RBFOX1: variants seen among roughly 807,000 people sequenced by gnomAD.
RBFOX1 encodes the protein RNA binding protein fox-1 homolog 1.
RBFOX1 carries 8 observed loss-of-function variants against 57.7 expected under a neutral mutation model. The ratio of observed to expected loss-of-function variants is 0.14; its 90% CI spans 0.08 to 0.25. The LOEUF is 0.25. RBFOX1 is among the 10% of genes least tolerant of loss of function. The pLI, the probability that RBFOX1 is intolerant of heterozygous loss-of-function variation, is 1.00. For synonymous variants in RBFOX1, 326 were observed against 222.4 expected, an observed-to-expected ratio of 1.47 and a Z score of -4.15; for missense variants, 611 against 548.5, an observed-to-expected ratio of 1.11 and a Z score of -1.14.
chr16:6,490,431 C>T (rs1157748900), intron 2 of RBFOX1, among the ~76,000 whole-genome samples: 1 of 152,172 alleles, frequency 6.6e-6, no homozygotes, highest in Non-Finnish European at 1.5e-5. Flanking sequence ...TGTCTCACAT[C>T]TCGAATACAA....
At chr16:5,866,833 A>G (rs541299319) in intron 3 of RBFOX1, among the ~76,000 whole-genome samples, 54 of 152,310 alleles carry the variant, frequency 3.5e-4, no homozygotes, top group African/African-American at 1.3e-3. Flanking sequence ...CTATTTCACA[A>G]TATTTTGAGG....
chr16:6,205,847 A>G (rs1218575251), intron 1 of RBFOX1, among the ~76,000 whole-genome samples: 1 of 135,554 alleles, frequency 7.4e-6, no homozygotes, highest in East Asian at 2.2e-4. Flanking sequence ...TTTGAACAAG[A>G]GCCTACGAGA....
intron 3 of RBFOX1, among the ~76,000 whole-genome samples, chr16:5,782,571 G>T (rs1482279320): frequency 6.6e-6 from 1 of 152,172 alleles, no homozygotes; most frequent in African/African-American, 2.4e-5. Flanking sequence ...ACAGTGTCAG[G>T]ATGGGGGATT....
At chr16:6,586,156 G>A (rs2097612184) in intron 2 of RBFOX1, among the ~76,000 whole-genome samples, 3 of 152,168 alleles carry the variant, frequency 2.0e-5, no homozygotes, top group South Asian at 4.1e-4. Context: ...GGAATCAGGA[G>A]GTCCAGAAGG....
At chr16:5,646,706 C>T (rs946876946) in intron 3 of RBFOX1, among the ~76,000 whole-genome samples, 3 of 152,114 alleles carry the variant, frequency 2.0e-5, no homozygotes, top group Non-Finnish European at 2.9e-5. Context: ...GTGATCTCTG[C>T]TCACTGCAAC....
At chr16:5,423,362 TTC>T (rs2151491214) in intron 1 of RBFOX1, among the ~76,000 whole-genome samples, 1 of 152,236 alleles carries the variant, frequency 6.6e-6, no homozygotes, top group East Asian at 1.9e-4. Context: ...CTCTGTGGTT[TTC>T]TCTGATGTAT....
chr16:7,430,529 G>A (rs2098668719), intron 4 of RBFOX1, among the ~76,000 whole-genome samples: 1 of 152,066 alleles, frequency 6.6e-6, no homozygotes, highest in Non-Finnish European at 1.5e-5. Flanking sequence ...AGCCGTGGTG[G>A]CACGTGCCTG....
chr16:6,196,776 A>G (rs528350056), intron 1 of RBFOX1, among the ~76,000 whole-genome samples: 5 of 151,722 alleles, frequency 3.3e-5, no homozygotes, highest in Admixed American at 6.6e-5. Context: ...CTTATATATC[A>G]TGCTAATAAT....
chr16:5,560,424 G>C (rs370222875), intron 2 of RBFOX1, among the ~76,000 whole-genome samples: 1 of 152,186 alleles, frequency 6.6e-6, no homozygotes, highest in South Asian at 2.1e-4. Flanking sequence ...GTTTGAGATG[G>C]CTTCTCCCCG....
At chr16:6,208,488 C>T (rs1339870452) in intron 1 of RBFOX1, among the ~76,000 whole-genome samples, 1 of 152,030 alleles carries the variant, frequency 6.6e-6, no homozygotes, top group Non-Finnish European at 1.5e-5. Flanking sequence ...AGTCCCTGCC[C>T]CTTTGGAGGT....
intron 5 of RBFOX1, among the ~76,000 whole-genome samples, chr16:7,555,231 T>G (rs1220226245): frequency 3.3e-5 from 5 of 152,150 alleles, no homozygotes; most frequent in African/African-American, 9.7e-5. Context: ...TCTCCTTTGT[T>G]AAAAGCCTTC....
chr16:6,626,817 T>C (rs1490437956), intron 2 of RBFOX1, among the ~76,000 whole-genome samples: 17 of 152,144 alleles, frequency 1.1e-4, no homozygotes, highest in Admixed American at 1.1e-3. Context: ...ATTCAGTTTA[T>C]CACCAGTGAG....
intron 4 of RBFOX1, among the ~76,000 whole-genome samples, chr16:7,360,806 G>C (rs771873035): frequency 6.6e-6 from 1 of 152,170 alleles, no homozygotes; most frequent in Non-Finnish European, 1.5e-5. Context: ...TCTTCACACA[G>C]TGCCATTAAT....
At chr16:7,097,427 C>A (rs1016589167) in intron 4 of RBFOX1, among the ~76,000 whole-genome samples, 1 of 152,126 alleles carries the variant, frequency 6.6e-6, no homozygotes, top group Non-Finnish European at 1.5e-5. Context: ...ATGCAACACC[C>A]TGGCATTAAA....
intron 4 of RBFOX1, among the ~76,000 whole-genome samples, chr16:7,352,645 G>T (rs773503143): frequency 6.6e-6 from 1 of 152,098 alleles, no homozygotes; most frequent in African/African-American, 2.4e-5. Context: ...AAGAATCCTG[G>T]TGCAGGGATT....
chr16:7,416,851 A>C (rs755502829), intron 4 of RBFOX1, among the ~76,000 whole-genome samples: 31 of 152,116 alleles, frequency 2.0e-4, no homozygotes, highest in Non-Finnish European at 8.8e-5. Context: ...TGCACGTAAC[A>C]CATATTATCT....
chr16:5,497,622 C>CAAAAAAAAAAAAAAAAAA (rs911723996), intron 2 of RBFOX1, among the ~76,000 whole-genome samples: 9 of 53,416 alleles, frequency 1.7e-4, no homozygotes, highest in African/African-American at 1.0e-3. Flanking sequence ...ACTAAAAATA[C>CAAAAAAAAAAAAAAAAAA]AAAAAAAAAA....
At chr16:5,722,576 G>A (rs2051975640) in intron 3 of RBFOX1, among the ~76,000 whole-genome samples, 2 of 152,124 alleles carry the variant, frequency 1.3e-5, no homozygotes, top group Admixed American at 6.5e-5. Flanking sequence ...TTGGTCCCAG[G>A]AAGGCATCTT....
At chr16:6,190,936 G>A (rs954918246) in intron 1 of RBFOX1, among the ~76,000 whole-genome samples, 2 of 152,086 alleles carry the variant, frequency 1.3e-5, no homozygotes, top group Admixed American at 6.6e-5. Context: ...CACGCCGGGG[G>A]CTCCAGCCAA....
Sources: gnomAD v4.1 joint callset for allele counts (sites outside exome capture counted in the v4.1 genomes callset) on GRCh38, gnomAD v4.1.1 for gene constraint, MANE v1.5 for transcripts, NCBI Gene and HGNC (gene_info 2026-07-23, HGNC 2026-07-21) for gene names.